EIF2AK2: variants seen among roughly 807,000 people sequenced by gnomAD.
The protein encoded by EIF2AK2 is eukaryotic translation initiation factor 2 alpha kinase 2, also known as interferon-induced, double-stranded RNA-activated protein kinase.
In EIF2AK2, 40 loss-of-function variants were observed where a neutral mutation model predicts 70.5. That is an observed-to-expected ratio of 0.57 (90% CI 0.44 to 0.74). EIF2AK2 has a LOEUF of 0.74. Among genes scored for constraint, EIF2AK2 ranks in the 30% least tolerant of loss-of-function variants. The pLI, the probability that EIF2AK2 is intolerant of heterozygous loss-of-function variation, is 0.00. For missense variants in EIF2AK2, 555 were observed against 644.3 expected (o/e 0.86, Z 1.50); for synonymous variants, 198 against 220.9 (o/e 0.90, Z 0.92).
intron 6 of EIF2AK2, among the ~76,000 whole-genome samples, chr2:37,139,337 C>G (rs1675245005): frequency 2.0e-5 from 3 of 151,020 alleles, no homozygotes; most frequent in Non-Finnish European, 4.4e-5. Context: ...AAAAAAACTC[C>G]TGAACTCAGG....
At chr2:37,123,117 A>G (rs909323502) in intron 11 of EIF2AK2, among the ~76,000 whole-genome samples, 6 of 151,814 alleles carry the variant, frequency 4.0e-5, no homozygotes, top group Admixed American at 6.6e-5. Flanking sequence ...GCAGTGAGCC[A>G]AGATTGCACC....
At chr2:37,130,924 C>T (rs1326286994) in intron 10 of EIF2AK2, among the ~76,000 whole-genome samples, 1 of 152,168 alleles carries the variant, frequency 6.6e-6, no homozygotes, top group African/African-American at 2.4e-5. Context: ...AAGGAAGACC[C>T]AATTTAACCT....
intron 2 of EIF2AK2, chr2:37,148,575 G>A (rs553322060): frequency 1.4e-4 from 109 of 781,616 alleles, no homozygotes; most frequent in Non-Finnish European, 2.2e-4. Context: ...ACAAATGAGT[G>A]CCATAAAACC....
At position 37,120,128 on chromosome 2, in the gene EIF2AK2, T is replaced by C; in HGVS notation, c.1079A>G (p.Lys360Arg). ...GAATTCCATTTGGATGAAAAGGCAC[T>C]TAGTCTTTGACCTGGGTATAAAATT... ...NSKNSSRSKT[K>R]CLFIQMEFCD... is the part of the protein sequence containing the mutation. The change falls in exon 13 of 17, where the codon AAG (lysine) becomes AGG (arginine). Residue 360 changes from lysine (K) to arginine (R), a missense_variant. By Grantham distance (26) the Lys-to-Arg change is conservative (BLOSUM62 2). This residue lies in a region of EIF2AK2 where 299 missense variants were observed against 375.4 expected (regional missense o/e 0.80). Coordinates refer to ENST00000233057, the MANE Select transcript of EIF2AK2 (RefSeq NM_001135651.3). 1 of 1,457,734 alleles carries C rather than the reference T, an allele frequency of 6.9e-7. No individual in the cohort carries two copies. Among genetic ancestry groups the C allele is most frequent in the South Asian group, 1.7e-5 (1 of 60,438 alleles). The allele number at this position is 1,457,734 out of a possible 1,614,324, so 90.3% of individuals were successfully genotyped here.
In EIF2AK2 at chr2:37,151,991, G is replaced by A. The variant is rs889861156; in HGVS notation, c.-183-2968C>T. Among the ~76,000 whole-genome samples the A allele has an allele frequency of 1.9e-4, 29 of 152,326 alleles. No individual in the cohort carries two copies. The East Asian group carries it at 4.8e-3, about 25-fold the overall frequency. ...TGAGGCAGGAGAATGGCGTGAACCCGGCAGGCGGAGCTTGCAGTGAGCTGA... is the reference window on the plus strand; with the variant it reads ...TGAGGCAGGAGAATGGCGTGAACCCAGCAGGCGGAGCTTGCAGTGAGCTGA... On this transcript the variant is annotated intron_variant, in intron 1 of 16. Transcript: ENST00000233057.
chr2:37,129,658 T>G (rs1010605714), intron 10 of EIF2AK2, among the ~76,000 whole-genome samples: 8 of 152,148 alleles, frequency 5.3e-5, no homozygotes, highest in Non-Finnish European at 1.0e-4. Context: ...GTTCATTTGT[T>G]TCTGTTGATG....
chr2:37,139,328 A>AG lies in EIF2AK2; in HGVS notation c.516+302_516+303insC, dbSNP rs1189785780. Among the ~76,000 whole-genome samples, 281 of 151,742 alleles carry AG rather than the reference A, an allele frequency of 1.9e-3. 2 individuals are homozygous for AG. Among genetic ancestry groups the AG allele is most frequent in the Middle Eastern group, 6.8e-3 (2 of 294 alleles). On this transcript the variant is annotated intron_variant, in intron 6 of 16. Coordinates refer to ENST00000233057, the MANE Select transcript of EIF2AK2 (RefSeq NM_001135651.3). Reference sequence around the variant, plus strand: ...AGATTCCATCTCAAAAAAAAAAAAAAAAAAACTCCTGAACTCAGGAGATCC... The same window carrying AG: ...AGATTCCATCTCAAAAAAAAAAAAAAGAAAAACTCCTGAACTCAGGAGATCC...
intron 9 of EIF2AK2, 138 bp downstream of exon 9, chr2:37,136,845 G>A (rs1675144138): frequency 1.4e-6 from 1 of 729,516 alleles, no homozygotes; most frequent in Non-Finnish European, 2.1e-6. Context: ...AAAATTATTT[G>A]TTTATAGATT....
intron 6 of EIF2AK2, 92 bp from the exon 7 acceptor site, chr2:37,138,677 A>G (rs1675214337): frequency 1.9e-6 from 2 of 1,065,118 alleles, no homozygotes; most frequent in Non-Finnish European, 2.8e-6. Context: ...ATTTATTTCA[A>G]CACATTTACC....
chr2:37,153,337 CTTTT>C (rs1553340565), intron 1 of EIF2AK2, among the ~76,000 whole-genome samples: 9 of 109,886 alleles, frequency 8.2e-5, no homozygotes, highest in Admixed American at 1.0e-4. Context: ...CTCTGCTAAT[CTTTT>C]TTTTTTTTTT....
At chr2:37,148,643 C>T (rs996573683) in intron 2 of EIF2AK2, 86 of 836,532 alleles carry the variant, frequency 1.0e-4, no homozygotes, top group Middle Eastern at 2.3e-4. Context: ...AAATGACATG[C>T]TTTTACTTCA....
chr2:37,128,184 G>A lies in EIF2AK2; in HGVS notation c.786-1773C>T, dbSNP rs572407969. Among the ~76,000 whole-genome samples the A allele has an allele frequency of 9.2e-5, 14 of 152,256 alleles. No individual in the cohort carries two copies. The East Asian group carries it at 1.3e-3, about 15-fold the overall frequency. ...GGGTGCTTAATAAACTTTTGATTCC[G>A]TATTGTTTTTTAAAGTTTTATATTG... On this transcript the variant is annotated intron_variant, in intron 10 of 16. Coordinates refer to ENST00000233057, the MANE Select transcript of EIF2AK2 (RefSeq NM_001135651.3).
chr2:37,118,261 C>T (rs955148187), intron 13 of EIF2AK2, among the ~76,000 whole-genome samples: 1 of 152,088 alleles, frequency 6.6e-6, no homozygotes, highest in African/African-American at 2.4e-5. Flanking sequence ...CTGTAATGAG[C>T]CGTGATTGTG....
At chr2:37,119,255 G>A (rs1251438285) in intron 13 of EIF2AK2, among the ~76,000 whole-genome samples, 2 of 152,208 alleles carry the variant, frequency 1.3e-5, no homozygotes, top group East Asian at 3.8e-4. Context: ...CCCAGTCCGG[G>A]ATTACCGCAA....
chr2:37,143,022 T>G lies in EIF2AK2; in HGVS notation c.241-1321A>C, dbSNP rs545693900. Among the ~76,000 whole-genome samples the G allele has an allele frequency of 1.3e-4, 19 of 151,966 alleles. No individual in the cohort carries two copies. The East Asian group carries it at 3.5e-3, about 28-fold the overall frequency. The stretch of plus-strand genomic sequence containing the variant: ...AGCGAGTGGATCACGAGGTCAGGAG[T>G]TAAACACCAGCCTGGCCAACATAGT... On this transcript the variant is annotated intron_variant, in intron 4 of 16. Coordinates refer to ENST00000233057, the MANE Select transcript of EIF2AK2 (RefSeq NM_001135651.3).
chr2:37,117,100 A>C (rs114725698), intron 13 of EIF2AK2, among the ~76,000 whole-genome samples: 10,593 of 151,604 alleles, frequency 0.07, 450 homozygotes, highest in African/African-American at 0.12. Flanking sequence ...GTAATCCCAG[A>C]TACTCGAGAG....
intron 10 of EIF2AK2, among the ~76,000 whole-genome samples, chr2:37,132,801 G>A (rs1011977902): frequency 2.0e-5 from 3 of 152,098 alleles, no homozygotes; most frequent in Admixed American, 1.3e-4. Context: ...AACCCATCAA[G>A]CCAGGGGACA....
chr2:37,107,706 C>A (rs1674010086), intron 15 of EIF2AK2, among the ~76,000 whole-genome samples, 179 bp from the exon 16 acceptor site: 1 of 152,154 alleles, frequency 6.6e-6, no homozygotes, highest in South Asian at 2.1e-4. Context: ...TAATAACCAT[C>A]CTTGCATTAC....
intron 10 of EIF2AK2, among the ~76,000 whole-genome samples, chr2:37,132,772 C>A (rs935163289): frequency 2.6e-5 from 4 of 152,190 alleles, no homozygotes; most frequent in African/African-American, 4.8e-5. Context: ...CATTCCAACA[C>A]TGGACTCCCT....
Sources: gnomAD v4.1 joint callset for allele counts (sites outside exome capture counted in the v4.1 genomes callset) on GRCh38, gnomAD v4.1.1 for gene constraint, gnomAD v4.1.1 regional missense constraint, MANE v1.5 for transcripts, NCBI Gene and HGNC (gene_info 2026-07-23, HGNC 2026-07-21) for gene names.